The following SHANK2 variants were observed in gnomAD, a reference collection of about 807,000 sequenced individuals.
The protein encoded by SHANK2 is SH3 and multiple ankyrin repeat domains protein 2.
Under a neutral mutation model 133.7 loss-of-function variants are expected in SHANK2, and 43 were observed. The observed-to-expected ratio is 0.32, with a 90% CI of 0.25 to 0.41. The LOEUF (loss-of-function observed/expected upper bound fraction) is 0.41. Ranked by LOEUF, SHANK2 falls within the 10% of genes least tolerant of loss-of-function variation. SHANK2 has a pLI of 1.00. For synonymous variants in SHANK2, 1,017 were observed against 952.8 expected (o/e 1.07, Z -1.24); for missense variants, 1,994 against 2,235.8 (o/e 0.89, Z 2.18).
chr11:71,230,198 G>A (rs893171811), intron 1 of SHANK2, among the ~76,000 whole-genome samples: 5 of 152,098 alleles, frequency 3.3e-5, no homozygotes, highest in Non-Finnish European at 7.4e-5. Flanking sequence ...GCGGAGGCAG[G>A]AGAATCACTT....
rs55892344 is a variant in SHANK2, at chr11:71,142,812, CA to C, written c.207+4307del. Among the ~76,000 whole-genome samples the C allele has an allele frequency of 7.8e-3, 1,063 of 135,450 alleles. 7 individuals carry two copies. Among genetic ancestry groups the C allele is most frequent in the African/African-American group, 0.02 (735 of 37,238 alleles). The allele number at this position is 135,450 out of a possible 152,430, so 88.9% of individuals were successfully genotyped here. A position where few individuals can be genotyped will look rare whatever the true frequency, so the allele number is the denominator to read the frequency against. ...AAGCCACTTCTTTAGGAATCTAGTC[CA>C]AAAAAAAAAAAAAGTCACCTATGAG... is the stretch of plus-strand genomic sequence containing the variant. On this transcript the variant is annotated intron_variant, in intron 3 of 25. Coordinates refer to ENST00000601538, the MANE Select transcript of SHANK2 (RefSeq NM_012309.5).
At chr11:71,076,289 C>T (rs1951218345) in intron 8 of SHANK2, among the ~76,000 whole-genome samples, 1 of 151,802 alleles carries the variant, frequency 6.6e-6, no homozygotes, top group Non-Finnish European at 1.5e-5. Context: ...GGGCAGGCAG[C>T]CTAGGGGTGT....
intron 17 of SHANK2, among the ~76,000 whole-genome samples, chr11:70,539,407 G>C (rs535757632): frequency 6.6e-6 from 1 of 152,082 alleles, no homozygotes; most frequent in Non-Finnish European, 1.5e-5. Context: ...GCCAGACTCC[G>C]AGTCGGGGTG....
chr11:71,249,308 C>T (rs1242688058), intron 1 of SHANK2, among the ~76,000 whole-genome samples: 4 of 152,194 alleles, frequency 2.6e-5, no homozygotes, highest in African/African-American at 9.7e-5. Flanking sequence ...ATTCCCCAGT[C>T]TATAGAAACG....
chr11:70,930,279 G>C (rs1290909747), intron 10 of SHANK2, among the ~76,000 whole-genome samples: 1 of 152,132 alleles, frequency 6.6e-6, no homozygotes, highest in Non-Finnish European at 1.5e-5. Flanking sequence ...TGCTCTGCCG[G>C]TGCTCTGCTC....
At chr11:70,586,500 G>A (rs569079963) in intron 17 of SHANK2, among the ~76,000 whole-genome samples, 5 of 152,260 alleles carry the variant, frequency 3.3e-5, no homozygotes, top group South Asian at 2.1e-4. Context: ...TTGTCACTCA[G>A]AGCTGGGCAG....
intron 2 of SHANK2, among the ~76,000 whole-genome samples, chr11:71,222,602 G>A (rs1256879062): frequency 2.6e-5 from 4 of 152,218 alleles, no homozygotes; most frequent in South Asian, 2.1e-4. Flanking sequence ...CCCCAGCCCC[G>A]GGAGAGAGAA....
chr11:70,729,387 G>A (rs1449178376), intron 14 of SHANK2, among the ~76,000 whole-genome samples: 2 of 152,126 alleles, frequency 1.3e-5, no homozygotes, highest in African/African-American at 4.8e-5. Flanking sequence ...GGGGCTGGGG[G>A]AAATAGGGAG....
Position 70,817,171 on chromosome 11 carries a change from G to A in SHANK2, c.1493+3193C>T, listed in dbSNP as rs1026312923. 5.3e-5 allele frequency among the ~76,000 whole-genome samples: 8 copies of A among 152,190 alleles called. No individual in the cohort carries two copies. The East Asian group carries it at 5.8e-4, about 11-fold the overall frequency. On this transcript the variant is annotated intron_variant, in intron 12 of 25. Transcript: ENST00000601538. ...CTCCAACTCTCCATCCCACCTGGTC[G>A]CCTCGAAGGCAAATGCTCACCACTG...
chr11:71,163,859 A>G (rs1301250250), intron 2 of SHANK2, among the ~76,000 whole-genome samples: 3 of 152,186 alleles, frequency 2.0e-5, no homozygotes, highest in African/African-American at 7.2e-5. Flanking sequence ...AGAATGCAAA[A>G]TATCTATACA....
chr11:70,553,246 C>T (rs147048902), intron 17 of SHANK2, among the ~76,000 whole-genome samples: 156 of 152,092 alleles, frequency 1.0e-3, no homozygotes, highest in Non-Finnish European at 1.5e-3. Flanking sequence ...CCCACCACCA[C>T]GCCAGGCTAA....
intron 14 of SHANK2, among the ~76,000 whole-genome samples, chr11:70,794,768 A>G (rs538348930): frequency 7.3e-4 from 111 of 151,954 alleles, no homozygotes; most frequent in Non-Finnish European, 1.3e-3. Flanking sequence ...GTTGGCCAGG[A>G]TGGTCTCAAA....
chr11:70,629,116 C>T (rs961812197), intron 17 of SHANK2, among the ~76,000 whole-genome samples: 45 of 152,168 alleles, frequency 3.0e-4, no homozygotes, highest in East Asian at 1.9e-4. Flanking sequence ...TGGGGAAACG[C>T]GCCCCGGGCA....
At chr11:70,835,423 C>G (rs1555059800) in intron 11 of SHANK2, among the ~76,000 whole-genome samples, 1 of 152,096 alleles carries the variant, frequency 6.6e-6, no homozygotes, top group African/African-American at 2.4e-5. Context: ...CTCGAGGACA[C>G]AGGACGCTCA....
intron 3 of SHANK2, among the ~76,000 whole-genome samples, chr11:71,139,856 A>G (rs1300996930): frequency 6.6e-6 from 1 of 152,222 alleles, no homozygotes. Flanking sequence ...AATGACTTAA[A>G]GCTTCAGTTC....
At chr11:70,867,120 A>C (rs1949376109) in intron 11 of SHANK2, among the ~76,000 whole-genome samples, 1 of 151,326 alleles carries the variant, frequency 6.6e-6, no homozygotes, top group South Asian at 2.1e-4. Flanking sequence ...TGTATTTAAA[A>C]AAAAAAAAAA....
Position 70,798,511 on chromosome 11 carries a change from C to T in SHANK2, c.1709G>A (p.Gly570Asp), listed in dbSNP as rs535690828. 1 of 718,620 alleles carries T rather than the reference C, an allele frequency of 1.4e-6. No individual in the cohort carries two copies. The highest frequency in any genetic ancestry group is 1.5e-5 in the South Asian group (1 of 67,602). 44.5% of individuals were successfully genotyped at this position (718,620 alleles called of 1,614,324 possible). The change falls in exon 14 of 26, where the codon GGC (glycine) becomes GAC (aspartate). Residue 570 changes from glycine to aspartate, a missense_variant. Gly to Asp is a moderately conservative substitution (Grantham distance 94). Around this residue, in one of 5 missense-constraint regions of SHANK2, gnomAD observed 653 missense variants for 563.4 expected, o/e 1.16. Transcript: ENST00000601538. ...CTCCGCCGGAAACCATCCGATGTGG[C>T]CGCGGGCGCTGCCTTCCCAGAAGCC... Reference protein sequence around the residue: ...EGGFWEGSARGHIGWFPAECV... With the variant: ...EGGFWEGSARDHIGWFPAECV...
chr11:71,104,701 C>T (rs548936716), intron 6 of SHANK2, among the ~76,000 whole-genome samples: 370 of 152,304 alleles, frequency 2.4e-3, no homozygotes, highest in Non-Finnish European at 4.3e-3. Flanking sequence ...CCTCACTTTT[C>T]TCTTTTCCCC....
chr11:70,916,074 C>T (rs1950265161), intron 10 of SHANK2, among the ~76,000 whole-genome samples: 1 of 152,144 alleles, frequency 6.6e-6, no homozygotes, highest in Non-Finnish European at 1.5e-5. Context: ...ATATTTTCTG[C>T]AGAAAAGAAT....
Sources: allele counts gnomAD v4.1 joint callset (sites outside exome capture counted in the v4.1 genomes callset), GRCh38; gene constraint gnomAD v4.1.1; regional missense constraint gnomAD v4.1.1; transcripts MANE v1.5; gene names NCBI Gene and HGNC (gene_info 2026-07-23, HGNC 2026-07-21).